The following PTCHD4 variants were observed in gnomAD, a reference collection of about 807,000 sequenced individuals.
PTCHD4 encodes patched domain containing 4.
PTCHD4 carries 33 observed loss-of-function variants against 58.1 expected under a neutral mutation model. The ratio of observed to expected loss-of-function variants is 0.57; its 90% CI spans 0.43 to 0.76. The LOEUF is 0.76. PTCHD4 is among the 30% of genes least tolerant of loss of function. The pLI is 0.00. For synonymous variants in PTCHD4, 478 were observed against 409.6 expected, an observed-to-expected ratio of 1.17 and a Z score of -2.02; for missense variants, 1,058 against 1,027.1, an observed-to-expected ratio of 1.03 and a Z score of -0.41.
chr6:48,066,097 T>C (rs1764784889), intron 3 of PTCHD4, among the ~76,000 whole-genome samples: 1 of 150,004 alleles, frequency 6.7e-6, no homozygotes, highest in Admixed American at 6.7e-5. Context: ...CACTGACATC[T>C]ACTTTTTTTT....
rs183287821 is a variant in PTCHD4, at chr6:47,875,413, T to C, written c.*2890A>G. ...ATTCTTGGAAACATCTGTTTCACAG[T>C]GAGGTTGGGAGGTCAGACGATGCTC... On this transcript the variant is annotated 3_prime_UTR_variant, in exon 5 of 5. Transcript: ENST00000339488. Among the ~76,000 whole-genome samples, 20 of 151,946 alleles carry C rather than the reference T, an allele frequency of 1.3e-4. No individual in the cohort carries two copies. Among genetic ancestry groups the C allele is most frequent in the Admixed American group, 9.9e-4 (15 of 15,208 alleles).
rs1412883803 is a variant in PTCHD4, at chr6:47,867,692, C to T, written c.*10611G>A. ...ACTTTTTCTCCCTGACTGTTGAGCC[C>T]ATCCTCCATCTCTATCTATTAGAAT... On this transcript the variant is annotated 3_prime_UTR_variant, in exon 5 of 5. Coordinates refer to ENST00000339488, the MANE Select transcript of PTCHD4 (RefSeq NM_001384253.1). Among the ~76,000 whole-genome samples, 4 of 151,694 alleles carry T rather than the reference C, an allele frequency of 2.6e-5. No individual in the cohort carries two copies. The highest frequency in any genetic ancestry group is 4.4e-5 in the Non-Finnish European group (3 of 67,802).
chr6:48,011,863 G>A lies in PTCHD4; in HGVS notation c.418-2749C>T, dbSNP rs557368189. 1.1e-3 allele frequency among the ~76,000 whole-genome samples: 161 copies of A among 152,246 alleles called. No homozygotes were observed. In the South Asian group the frequency reaches 0.013, roughly 12 times the overall value. The stretch of plus-strand genomic sequence containing the variant: ...TCCATTGCTTGTTTTTGTCAGGTTT[G>A]TCAAAGATTAGATGGTTGTAGATGT... On this transcript the variant is annotated intron_variant, in intron 3 of 4. Coordinates refer to ENST00000339488, the MANE Select transcript of PTCHD4 (RefSeq NM_001384253.1).
rs896797775 is a variant in PTCHD4 at position 47,945,007 on chromosome 6, G to C, written c.898+63627C>G. On this transcript the variant is annotated intron_variant, in intron 4 of 4. Transcript: ENST00000339488. ...CCAGAAGAAATCATCAGTATAAGTA[G>C]ATGCTAAGCAGGTGATAAAAATAAA... Among the ~76,000 whole-genome samples the C allele has an allele frequency of 4.1e-4, 62 of 152,028 alleles. 1 individual carries two copies. Among genetic ancestry groups the C allele is most frequent in the Non-Finnish European group, 7.4e-5 (5 of 67,948 alleles).
chr6:48,075,439 GTT>G (rs748270040), intron 1 of PTCHD4, among the ~76,000 whole-genome samples: 96 of 136,738 alleles, frequency 7.0e-4, no homozygotes, highest in Non-Finnish European at 1.3e-3. Context: ...AGTTTTGTGG[GTT>G]TTTTTTTTTT....
At chr6:47,910,829 G>A (rs1765045584) in intron 4 of PTCHD4, among the ~76,000 whole-genome samples, 1 of 152,116 alleles carries the variant, frequency 6.6e-6, no homozygotes, top group African/African-American at 2.4e-5. Context: ...AGAAGAATAT[G>A]TTATAAACAT....
chr6:48,040,657 G>C (rs1266795360), intron 3 of PTCHD4, among the ~76,000 whole-genome samples: 1 of 152,096 alleles, frequency 6.6e-6, no homozygotes, highest in East Asian at 1.9e-4. Flanking sequence ...TATGTATTAA[G>C]TGTCAACTAT....
At chr6:47,952,300 G>T (rs563501845) in intron 4 of PTCHD4, among the ~76,000 whole-genome samples, 1 of 151,892 alleles carries the variant, frequency 6.6e-6, no homozygotes, top group Non-Finnish European at 1.5e-5. Flanking sequence ...CTTATCTATC[G>T]CAGCTATAGT....
chr6:48,044,662 C>G (rs900530585), intron 3 of PTCHD4, among the ~76,000 whole-genome samples: 7 of 151,850 alleles, frequency 4.6e-5, no homozygotes, highest in Non-Finnish European at 1.0e-4. Context: ...ATGCAGTTTA[C>G]TGACACTTGG....
intron 3 of PTCHD4, among the ~76,000 whole-genome samples, chr6:48,010,548 TA>T (rs1762629280): frequency 6.6e-6 from 1 of 151,852 alleles, no homozygotes; most frequent in Non-Finnish European, 1.5e-5. Context: ...TTACAGAGAG[TA>T]AAAATGCTGT....
At chr6:48,012,933 G>T (rs1379895632) in intron 3 of PTCHD4, among the ~76,000 whole-genome samples, 1 of 152,118 alleles carries the variant, frequency 6.6e-6, no homozygotes, top group Non-Finnish European at 1.5e-5. Flanking sequence ...TGACTTGATT[G>T]TGGTAGATAA....
chr6:47,909,972 T>G (rs959515012), intron 4 of PTCHD4, among the ~76,000 whole-genome samples: 3 of 152,330 alleles, frequency 2.0e-5, no homozygotes, highest in South Asian at 4.1e-4. Context: ...TAAATTTATA[T>G]AAACGTGTTT....
intron 4 of PTCHD4, among the ~76,000 whole-genome samples, chr6:47,905,193 G>A (rs768871916): frequency 2.0e-5 from 3 of 152,036 alleles, no homozygotes; most frequent in Non-Finnish European, 4.4e-5. Context: ...ATATGAAATT[G>A]TTTTAATTTT....
intron 3 of PTCHD4, among the ~76,000 whole-genome samples, chr6:48,011,526 T>C (rs113561326): frequency 7.9e-5 from 12 of 152,342 alleles, no homozygotes; most frequent in African/African-American, 2.6e-4. Flanking sequence ...GTGGGTTGCC[T>C]GTTCACTTTG....
At chr6:48,080,772 T>A (rs544895212) in intron 1 of PTCHD4, among the ~76,000 whole-genome samples, 1 of 152,300 alleles carries the variant, frequency 6.6e-6, no homozygotes, top group East Asian at 1.9e-4. Context: ...TGGCTGATGA[T>A]GTGGGTCTCA....
chr6:48,035,788 T>A (rs115084555), intron 3 of PTCHD4, among the ~76,000 whole-genome samples: 1 of 152,186 alleles, frequency 6.6e-6, no homozygotes, highest in South Asian at 2.1e-4. Context: ...AGGAATCCTG[T>A]CAGCTCAGTT....
At chr6:47,991,762 A>T (rs574848491) in intron 4 of PTCHD4, among the ~76,000 whole-genome samples, 50 of 152,190 alleles carry the variant, frequency 3.3e-4, no homozygotes, top group African/African-American at 1.1e-3. Context: ...TTAATTTTAG[A>T]TTTCCTAAAT....
At chr6:48,026,473 C>T (rs1202592464) in intron 3 of PTCHD4, among the ~76,000 whole-genome samples, 1 of 152,074 alleles carries the variant, frequency 6.6e-6, no homozygotes, top group African/African-American at 2.4e-5. Context: ...TATGTCCTTT[C>T]CCTTCCCATC....
At chr6:47,966,535 A>G (rs1011406040) in intron 4 of PTCHD4, among the ~76,000 whole-genome samples, 1 of 152,210 alleles carries the variant, frequency 6.6e-6, no homozygotes, top group Non-Finnish European at 1.5e-5. Flanking sequence ...CCTTCTTTCC[A>G]TGAAAGATTT....
Sources: gnomAD v4.1 joint callset for allele counts (sites outside exome capture counted in the v4.1 genomes callset) on GRCh38, gnomAD v4.1.1 for gene constraint, MANE v1.5 for transcripts, NCBI Gene and HGNC (gene_info 2026-07-23, HGNC 2026-07-21) for gene names.